Variants in CDS1 observed in about 807,000 individuals in gnomAD.
The protein encoded by CDS1 is CDP-diacylglycerol synthase 1.
CDS1 carries 41 observed loss-of-function variants against 62.1 expected under a neutral mutation model. The ratio of observed to expected loss-of-function variants is 0.66; its 90% CI spans 0.51 to 0.86. CDS1 has a LOEUF of 0.86. Among genes scored for constraint, CDS1 ranks in the 40% least tolerant of loss-of-function variants. CDS1 has a pLI of 0.00. For missense variants in CDS1, 470 were observed against 550.1 expected, an observed-to-expected ratio of 0.85 and a Z score of 1.46; for synonymous variants, 185 against 192.6, an observed-to-expected ratio of 0.96 and a Z score of 0.32.
intron 2 of CDS1, among the ~76,000 whole-genome samples, chr4:84,609,208 A>G (rs1282842589): frequency 1.3e-5 from 2 of 151,614 alleles, no homozygotes; most frequent in African/African-American, 2.4e-5. Flanking sequence ...AAAAGAAAAG[A>G]AAAATTATTT....
At chr4:84,624,542 C>T (rs1221629469) in intron 5 of CDS1, among the ~76,000 whole-genome samples, 1 of 151,932 alleles carries the variant, frequency 6.6e-6, no homozygotes, top group Non-Finnish European at 1.5e-5. Flanking sequence ...ATATTAATAG[C>T]TTATAGATGG....
chr4:84,595,443 A>T (rs1259112000), intron 1 of CDS1, among the ~76,000 whole-genome samples: 3 of 152,176 alleles, frequency 2.0e-5, no homozygotes, highest in African/African-American at 7.2e-5. Context: ...AAATAGTTGC[A>T]TACTGTAGTT....
intron 9 of CDS1, among the ~76,000 whole-genome samples, chr4:84,639,311 C>A (rs1724309773): frequency 6.6e-6 from 1 of 152,186 alleles, no homozygotes; most frequent in South Asian, 2.1e-4. Context: ...TAGTTTCTAA[C>A]AGCTATTCTG....
At chr4:84,601,386 A>G (rs909339961) in intron 1 of CDS1, among the ~76,000 whole-genome samples, 1 of 152,112 alleles carries the variant, frequency 6.6e-6, no homozygotes, top group Non-Finnish European at 1.5e-5. Context: ...TGTGGAAGAG[A>G]GAGAAGTCCA....
chr4:84,624,489 A>G (rs992874137), intron 5 of CDS1, among the ~76,000 whole-genome samples: 15 of 151,900 alleles, frequency 9.9e-5, no homozygotes, highest in Non-Finnish European at 2.1e-4. Flanking sequence ...CCTTTTTCTT[A>G]TGCAAGTAAG....
intron 1 of CDS1, among the ~76,000 whole-genome samples, chr4:84,599,620 ACG>A (rs1491305913): frequency 6.6e-6 from 1 of 151,276 alleles, no homozygotes; most frequent in African/African-American, 2.4e-5. Context: ...ATAATATAAT[ACG>A]TGTGTGTGTA....
intron 1 of CDS1, among the ~76,000 whole-genome samples, chr4:84,604,003 T>G (rs1048164510): frequency 3.9e-5 from 6 of 152,160 alleles, no homozygotes; most frequent in Admixed American, 2.6e-4. Flanking sequence ...TATGGGAGCT[T>G]CTTTTGTGTC....
intron 9 of CDS1, 60 bp from the exon 10 acceptor site, chr4:84,640,778 C>T: frequency 7.6e-7 from 1 of 1,307,700 alleles, no homozygotes; most frequent in African/African-American, 1.5e-5. Flanking sequence ...TATGTTTAGT[C>T]AATGTGTTAT....
At chr4:84,597,953 C>T (rs1051779463) in intron 1 of CDS1, among the ~76,000 whole-genome samples, 3 of 151,724 alleles carry the variant, frequency 2.0e-5, no homozygotes, top group Non-Finnish European at 4.4e-5. Context: ...AGTGAAACCC[C>T]GTCTCTACTA....
Position 84,643,025 on chromosome 4 carries a change from A to T in CDS1, c.1034A>T (p.Glu345Val). The T allele has an allele frequency of 6.3e-7, 1 of 1,591,836 alleles. No individual in the cohort carries two copies. The highest frequency in any genetic ancestry group is 8.6e-7 in the Non-Finnish European group (1 of 1,166,074). Residue 345 changes from glutamate to valine, a missense_variant and splice_region_variant, in exon 11 of 13, where the codon GAA (glutamate) becomes GTA (valine). Coordinates refer to ENST00000295887, the MANE Select transcript of CDS1 (RefSeq NM_001263.4). ...PPFLKAVLRQ[E>V]RVSLYPFQIH... ...CCTCCCCTTCTTTCTCCTCTTTAGG[A>T]AAGAGTGAGCTTGTACCCTTTCCAG...
At chr4:84,628,343 C>A (rs910577377) in intron 5 of CDS1, among the ~76,000 whole-genome samples, 1 of 152,148 alleles carries the variant, frequency 6.6e-6, no homozygotes, top group Non-Finnish European at 1.5e-5. Flanking sequence ...GCAAGAGCTC[C>A]TGAATGGCAG....
chr4:84,636,391 G>T (rs1364814423), intron 8 of CDS1, among the ~76,000 whole-genome samples: 2 of 152,126 alleles, frequency 1.3e-5, no homozygotes, highest in African/African-American at 4.8e-5. Flanking sequence ...TCTATTTATG[G>T]GCAATGGTAA....
intron 5 of CDS1, among the ~76,000 whole-genome samples, chr4:84,625,735 T>C (rs1440750398): frequency 6.6e-6 from 1 of 151,872 alleles, no homozygotes; most frequent in Non-Finnish European, 1.5e-5. Flanking sequence ...AGAAATGATA[T>C]AACCAGATTT....
intron 7 of CDS1, 86 bp from the exon 8 acceptor site, chr4:84,635,178 A>G: frequency 1.8e-5 from 12 of 683,066 alleles, no homozygotes; most frequent in South Asian, 7.0e-5. Flanking sequence ...CTGATGGTTC[A>G]TTATGAATCA....
At chr4:84,632,202 A>G (rs1459945114) in intron 6 of CDS1, among the ~76,000 whole-genome samples, 1 of 152,170 alleles carries the variant, frequency 6.6e-6, no homozygotes. Context: ...ACTATGTCTG[A>G]GAAACATCTA....
intron 5 of CDS1, among the ~76,000 whole-genome samples, chr4:84,626,385 G>T (rs976604031): frequency 6.6e-6 from 1 of 152,142 alleles, no homozygotes; most frequent in Admixed American, 6.5e-5. Flanking sequence ...TATCACCAAT[G>T]ATAGTATTTT....
chr4:84,583,365 G>A lies in CDS1; in HGVS notation c.-37G>A. ...CTGCTTGCAGCTCAGGTTTCGGGGT[G>A]CTTGAGGAGGCCGCCACGGCAGCGC... On this transcript the variant is annotated 5_prime_UTR_variant, in exon 1 of 13. Transcript: ENST00000295887. 6.8e-7 allele frequency: 1 copy of A among 1,477,760 alleles called. No homozygotes were observed. The highest frequency in any genetic ancestry group is 9.4e-7 in the Non-Finnish European group (1 of 1,062,674). 91.5% of individuals were successfully genotyped at this position (1,477,760 alleles called of 1,614,324 possible). A position where few individuals can be genotyped will look rare whatever the true frequency, so the allele number is the denominator to read the frequency against.
chr4:84,631,137 A>G (rs779482478), intron 5 of CDS1, among the ~76,000 whole-genome samples: 4 of 152,148 alleles, frequency 2.6e-5, no homozygotes, highest in African/African-American at 4.8e-5. Context: ...AGAAATTGCA[A>G]ATTGTTCTTA....
At chr4:84,612,757 G>A (rs959328600) in intron 3 of CDS1, among the ~76,000 whole-genome samples, 4 of 151,916 alleles carry the variant, frequency 2.6e-5, no homozygotes, top group Non-Finnish European at 5.9e-5. Context: ...TTGGGAGGCC[G>A]AGGCAGGTAG....
Sources: allele counts gnomAD v4.1 joint callset (sites outside exome capture counted in the v4.1 genomes callset), GRCh38; gene constraint gnomAD v4.1.1; transcripts MANE v1.5; gene names NCBI Gene and HGNC (gene_info 2026-07-23, HGNC 2026-07-21).